The following TTC28 variants were observed in gnomAD, a reference collection of about 807,000 sequenced individuals.
TTC28 encodes tetratricopeptide repeat protein 28.
In TTC28, 61 loss-of-function variants were observed where a neutral mutation model predicts 198.0. That is an observed-to-expected ratio of 0.31 (90% CI 0.25 to 0.38). The LOEUF is 0.38. TTC28 is among the 10% of genes least tolerant of loss of function. TTC28 has a pLI of 1.00. For synonymous variants in TTC28, 1,171 were observed against 1,297.8 expected, an observed-to-expected ratio of 0.90 and a Z score of 2.10; for missense variants, 2,678 against 3,164.0, an observed-to-expected ratio of 0.85 and a Z score of 3.69.
At chr22:28,370,594 T>C (rs961730794) in intron 2 of TTC28, among the ~76,000 whole-genome samples, 2 of 152,176 alleles carry the variant, frequency 1.3e-5, no homozygotes, top group Admixed American at 1.3e-4. Context: ...TCTGCATATA[T>C]GACTACATTT....
At chr22:28,077,211 A>G (rs1941198669) in intron 12 of TTC28, among the ~76,000 whole-genome samples, 1 of 152,126 alleles carries the variant, frequency 6.6e-6, no homozygotes, top group African/African-American at 2.4e-5. Flanking sequence ...TTTACAGTGC[A>G]GCTTTGAAGA....
rs1401678799 is a variant in TTC28, at chr22:28,039,882, G to GCA, written c.3933-9517_3933-9516insTG. 7.1e-4 allele frequency among the ~76,000 whole-genome samples: 108 copies of GCA among 151,988 alleles called. No individual in the cohort carries two copies. In the South Asian group the frequency reaches 0.022, roughly 31 times the overall value. ...AAAGAGAGAAGAATCAAATAGACAT[G>GCA]ATAAAAAATGATAAAAGGGATATCA... On this transcript the variant is annotated intron_variant, in intron 12 of 22. Coordinates refer to ENST00000397906, the MANE Select transcript of TTC28 (RefSeq NM_001145418.2).
Position 28,495,593 on chromosome 22 carries a change from TAAAG to T in TTC28, c.381+133955_381+133958del, listed in dbSNP as rs549512287. Among the ~76,000 whole-genome samples the T allele has an allele frequency of 3.7e-3, 566 of 152,110 alleles. 6 individuals carry two copies. Among genetic ancestry groups the T allele is most frequent in the Non-Finnish European group, 6.5e-3 (445 of 67,958 alleles). On this transcript the variant is annotated intron_variant, in intron 2 of 22. Coordinates refer to ENST00000397906, the MANE Select transcript of TTC28 (RefSeq NM_001145418.2). ...TAAAGAATATGTAACTCAAAAACAATAAAGAAACTATGGGATACAAAAAATAGTG... is the reference window on the plus strand; with the variant it reads ...TAAAGAATATGTAACTCAAAAACAATAAACTATGGGATACAAAAAATAGTG...
intron 2 of TTC28, among the ~76,000 whole-genome samples, chr22:28,484,355 T>TCC (rs949618318): frequency 9.9e-5 from 15 of 151,950 alleles, no homozygotes. Context: ...CAAGGCATCC[T>TCC]CCCACCCTGG....
intron 2 of TTC28, among the ~76,000 whole-genome samples, chr22:28,434,405 G>T (rs1162679084): frequency 6.6e-6 from 1 of 152,010 alleles, no homozygotes; most frequent in Non-Finnish European, 1.5e-5. Flanking sequence ...GGCAGGTATG[G>T]GGCAGTGGTA....
chr22:28,313,927 T>C (rs1456881395), intron 2 of TTC28, among the ~76,000 whole-genome samples: 1 of 152,230 alleles, frequency 6.6e-6, no homozygotes, highest in Non-Finnish European at 1.5e-5. Context: ...AAATTGTCTC[T>C]GTTTGCAGAT....
At chr22:28,644,160 G>A (rs2051415749) in intron 1 of TTC28, among the ~76,000 whole-genome samples, 1 of 152,058 alleles carries the variant, frequency 6.6e-6, no homozygotes, top group Non-Finnish European at 1.5e-5. Flanking sequence ...AGCACTTTGG[G>A]AGGCCGAGGC....
chr22:28,381,605 A>G (rs1470700910), intron 2 of TTC28, among the ~76,000 whole-genome samples: 1 of 152,150 alleles, frequency 6.6e-6, no homozygotes, highest in Non-Finnish European at 1.5e-5. Flanking sequence ...ACTGCTCGCA[A>G]GTAACTGCAA....
At chr22:28,362,841 A>G (rs1477047631) in intron 2 of TTC28, among the ~76,000 whole-genome samples, 1 of 152,190 alleles carries the variant, frequency 6.6e-6, no homozygotes, top group African/African-American at 2.4e-5. Flanking sequence ...ATCTGATGGA[A>G]GAAATTTCTA....
chr22:28,208,320 C>G (rs142248668), intron 5 of TTC28, among the ~76,000 whole-genome samples: 330 of 152,250 alleles, frequency 2.2e-3, no homozygotes, highest in African/African-American at 7.3e-3. Context: ...TAAAACTCTA[C>G]ACTGCATTAG....
At chr22:27,989,130 A>G (rs1216855521) in intron 21 of TTC28, among the ~76,000 whole-genome samples, 1 of 152,176 alleles carries the variant, frequency 6.6e-6, no homozygotes, top group Non-Finnish European at 1.5e-5. Flanking sequence ...CAACAGATGC[A>G]CCATTACAGG....
intron 12 of TTC28, among the ~76,000 whole-genome samples, chr22:28,042,473 C>T (rs529115245): frequency 6.6e-6 from 1 of 152,078 alleles, no homozygotes; most frequent in South Asian, 2.1e-4. Context: ...AGCAAACTAT[C>T]GCAAGGACAA....
At chr22:28,567,314 A>G (rs1333511509) in intron 2 of TTC28, among the ~76,000 whole-genome samples, 3 of 148,298 alleles carry the variant, frequency 2.0e-5, no homozygotes, top group Non-Finnish European at 4.5e-5. Context: ...AATTGAGCTC[A>G]GGGGGTCAAG....
rs941892196 is a variant in TTC28 at position 28,620,395 on chromosome 22, A to G, written c.381+9157T>C. 6.6e-5 allele frequency among the ~76,000 whole-genome samples: 10 copies of G among 152,282 alleles called. No homozygotes were observed. The Middle Eastern group carries it at 0.01, about 155-fold the overall frequency. On this transcript the variant is annotated intron_variant, in intron 2 of 22. Transcript: ENST00000397906. ...AGAAACAATAGCCAACATCATAGACAGCTCAACTGGTTCAGCTTACATAAT... is the reference window on the plus strand; with the variant it reads ...AGAAACAATAGCCAACATCATAGACGGCTCAACTGGTTCAGCTTACATAAT...
intron 2 of TTC28, among the ~76,000 whole-genome samples, chr22:28,309,767 A>G (rs2045218095): frequency 6.6e-6 from 1 of 152,186 alleles, no homozygotes; most frequent in Non-Finnish European, 1.5e-5. Flanking sequence ...CTTACCAAAC[A>G]TACACCACAT....
chr22:28,061,333 G>A (rs1326062019), intron 12 of TTC28, among the ~76,000 whole-genome samples: 1 of 152,144 alleles, frequency 6.6e-6, no homozygotes, highest in Non-Finnish European at 1.5e-5. Context: ...TTTTCTTCTA[G>A]GGTTTTTATG....
chr22:28,501,190 G>A (rs1344406156), intron 2 of TTC28, among the ~76,000 whole-genome samples: 2 of 152,232 alleles, frequency 1.3e-5, no homozygotes, highest in East Asian at 1.9e-4. Context: ...ACAATCTAGT[G>A]GATGCAGTAA....
intron 5 of TTC28, among the ~76,000 whole-genome samples, chr22:28,269,736 G>C (rs1251845954): frequency 6.6e-6 from 1 of 152,142 alleles, no homozygotes; most frequent in Non-Finnish European, 1.5e-5. Context: ...AGGAGAGGAG[G>C]GGAGCCATGT....
chr22:28,082,311 G>C (rs1416766506), intron 12 of TTC28, among the ~76,000 whole-genome samples: 3 of 152,104 alleles, frequency 2.0e-5, no homozygotes, highest in Non-Finnish European at 4.4e-5. Context: ...ACAAAAGAAG[G>C]CATCCTTGCC....
Sources: gnomAD v4.1 joint callset for allele counts (sites outside exome capture counted in the v4.1 genomes callset) on GRCh38, gnomAD v4.1.1 for gene constraint, MANE v1.5 for transcripts, NCBI Gene and HGNC (gene_info 2026-07-23, HGNC 2026-07-21) for gene names.